CTNNA3: variants seen among roughly 807,000 people sequenced by gnomAD.
CTNNA3 encodes the protein catenin alpha 3.
In CTNNA3, 76 loss-of-function variants were observed where a neutral mutation model predicts 95.7. That is an observed-to-expected ratio of 0.79 (90% CI 0.66 to 0.96). The LOEUF is 0.96. CTNNA3 is among the 40% of genes least tolerant of loss of function. The pLI, the probability that CTNNA3 is intolerant of heterozygous loss-of-function variation, is 0.00. For synonymous variants in CTNNA3, 431 were observed against 374.4 expected, an observed-to-expected ratio of 1.15 and a Z score of -1.74; for missense variants, 1,191 against 1,089.8, an observed-to-expected ratio of 1.09 and a Z score of -1.31.
chr10:67,043,121 G>C (rs1363674778), intron 7 of CTNNA3, among the ~76,000 whole-genome samples: 1 of 139,162 alleles, frequency 7.2e-6, no homozygotes, highest in Middle Eastern at 3.3e-3. Flanking sequence ...CATGCCTCAA[G>C]GCTCACTTTC....
chr10:66,369,313 C>G (rs952379194), intron 12 of CTNNA3, among the ~76,000 whole-genome samples: 1 of 152,138 alleles, frequency 6.6e-6, no homozygotes, highest in African/African-American at 2.4e-5. Flanking sequence ...TTCCAGCTGT[C>G]TAAAGTCTCC....
chr10:67,461,934 C>T (rs7894377), intron 5 of CTNNA3, among the ~76,000 whole-genome samples: 2,996 of 152,224 alleles, frequency 0.02, 102 homozygotes, highest in African/African-American at 0.067. Context: ...ATCTAGATGG[C>T]CATCAATCAA....
At chr10:66,817,939 TA>T (rs1371393064) in intron 7 of CTNNA3, among the ~76,000 whole-genome samples, 1 of 152,064 alleles carries the variant, frequency 6.6e-6, no homozygotes, top group Non-Finnish European at 1.5e-5. Context: ...AAGCTTATAC[TA>T]TGACCAAGTG....
At chr10:67,249,238 A>G (rs1412740942) in intron 5 of CTNNA3, among the ~76,000 whole-genome samples, 1 of 152,204 alleles carries the variant, frequency 6.6e-6, no homozygotes, top group Non-Finnish European at 1.5e-5. Flanking sequence ...TAAAAACTCA[A>G]TAATAAAACA....
intron 9 of CTNNA3, among the ~76,000 whole-genome samples, chr10:66,682,186 G>A (rs181144787): frequency 4.7e-4 from 71 of 152,212 alleles, no homozygotes; most frequent in African/African-American, 1.3e-3. Flanking sequence ...ATAAGACTTC[G>A]TGAAATGTGT....
In CTNNA3 at chr10:66,677,388, C is replaced by T. The variant is rs1846897508; in HGVS notation, c.1282-55604G>A. On this transcript the variant is annotated intron_variant, in intron 9 of 17. Coordinates refer to ENST00000433211, the MANE Select transcript of CTNNA3 (RefSeq NM_013266.4). ...AAATGAAATAAAAAATAATTTTATA[C>T]AAAATAGAAGCCCACTTTTTTTTTA... Among the ~76,000 whole-genome samples the T allele has an allele frequency of 2.3e-5, 3 of 128,468 alleles. No homozygotes were observed. In the South Asian group the frequency reaches 7.6e-4, roughly 33 times the overall value. 84.3% of individuals were successfully genotyped at this position (128,468 alleles called of 152,430 possible).
chr10:67,498,201 C>G lies in CTNNA3; in HGVS notation c.579+23641G>C, dbSNP rs748599359. ...ATTTATTAAATATAAAATCTTTTCC[C>G]CATTGCTTGTTTTTGTCAGGTTTGT... is the stretch of plus-strand genomic sequence containing the variant. On this transcript the variant is annotated intron_variant, in intron 5 of 17. Transcript: ENST00000433211. 2.7e-4 allele frequency among the ~76,000 whole-genome samples: 41 copies of G among 152,274 alleles called. No homozygotes were observed. The Middle Eastern group carries it at 0.014, about 51-fold the overall frequency.
chr10:66,331,375 A>C (rs532917688), intron 12 of CTNNA3, among the ~76,000 whole-genome samples: 1 of 50,784 alleles, frequency 2.0e-5, no homozygotes, highest in Admixed American at 3.0e-4. Flanking sequence ...TTTTTTTGAG[A>C]CGGAGTTTTG....
At chr10:66,106,440 A>G (rs1349004218) in intron 13 of CTNNA3, among the ~76,000 whole-genome samples, 1 of 151,862 alleles carries the variant, frequency 6.6e-6, no homozygotes, top group Non-Finnish European at 1.5e-5. Flanking sequence ...TATATTAGAA[A>G]GGCCCTATAA....
At chr10:66,326,262 T>C (rs1056367519) in intron 12 of CTNNA3, among the ~76,000 whole-genome samples, 1 of 152,116 alleles carries the variant, frequency 6.6e-6, no homozygotes, top group Non-Finnish European at 1.5e-5. Context: ...TTGATCTACA[T>C]GTTACGCTTC....
chr10:66,809,742 G>A (rs990000269), intron 7 of CTNNA3, among the ~76,000 whole-genome samples: 1 of 151,186 alleles, frequency 6.6e-6, no homozygotes, highest in Non-Finnish European at 1.5e-5. Context: ...ACGGTCTTTG[G>A]CACATTTAGG....
At chr10:66,759,277 T>C (rs1425502667) in intron 9 of CTNNA3, among the ~76,000 whole-genome samples, 1 of 152,182 alleles carries the variant, frequency 6.6e-6, no homozygotes, top group African/African-American at 2.4e-5. Context: ...CTTTAATGTG[T>C]TCGTATTCAT....
rs76316552 is a variant in CTNNA3 at position 66,779,762 on chromosome 10, T to C, written c.1048-4238A>G. Among the ~76,000 whole-genome samples, 252 of 152,364 alleles carry C rather than the reference T, an allele frequency of 1.7e-3. 1 individual carries two copies. Among genetic ancestry groups the C allele is most frequent in the African/African-American group, 5.7e-3 (235 of 41,590 alleles). ...ATTAATTACTCTCTTCCATGATACT[T>C]TCTTATAGTTCTTATACTTCTTTTA... is the stretch of plus-strand genomic sequence containing the variant. On this transcript the variant is annotated intron_variant, in intron 7 of 17. Coordinates refer to ENST00000433211, the MANE Select transcript of CTNNA3 (RefSeq NM_013266.4).
intron 5 of CTNNA3, among the ~76,000 whole-genome samples, chr10:67,378,916 T>C (rs1843803342): frequency 6.6e-6 from 1 of 152,182 alleles, no homozygotes; most frequent in African/African-American, 2.4e-5. Context: ...ACTGAACAAT[T>C]ATGAGATACA....
intron 12 of CTNNA3, among the ~76,000 whole-genome samples, chr10:66,316,885 A>C (rs1351089365): frequency 6.6e-6 from 1 of 152,136 alleles, no homozygotes; most frequent in Non-Finnish European, 1.5e-5. Flanking sequence ...AAAACCTATG[A>C]ACTTTTCTCA....
At chr10:67,165,720 A>C (rs1861739473) in intron 7 of CTNNA3, among the ~76,000 whole-genome samples, 1 of 152,204 alleles carries the variant, frequency 6.6e-6, no homozygotes, top group African/African-American at 2.4e-5. Flanking sequence ...GAGAAGATGG[A>C]TAGGCTTTCC....
intron 5 of CTNNA3, among the ~76,000 whole-genome samples, chr10:67,392,845 G>C (rs1233538931): frequency 6.6e-6 from 1 of 151,990 alleles, no homozygotes; most frequent in Non-Finnish European, 1.5e-5. Context: ...TCATAGGTGG[G>C]AATTGAACAA....
intron 7 of CTNNA3, among the ~76,000 whole-genome samples, chr10:66,830,131 A>C (rs1356927546): frequency 6.6e-6 from 1 of 152,278 alleles, no homozygotes; most frequent in Non-Finnish European, 1.5e-5. Flanking sequence ...TCAAAGGTTA[A>C]GTTTCTCTGG....
chr10:67,479,829 A>G (rs7070383), intron 5 of CTNNA3, among the ~76,000 whole-genome samples: 1,597 of 152,288 alleles, frequency 0.01, 32 homozygotes, highest in African/African-American at 0.036. Flanking sequence ...GACAAGATCA[A>G]TAGACCACTA....
Sources: allele counts gnomAD v4.1 joint callset (sites outside exome capture counted in the v4.1 genomes callset), GRCh38; gene constraint gnomAD v4.1.1; transcripts MANE v1.5; gene names NCBI Gene and HGNC (gene_info 2026-07-23, HGNC 2026-07-21).